Variants in ACER3 observed in about 807,000 individuals in gnomAD.
ACER3 encodes alkaline ceramidase 3, also known as alkCDase 3.
In ACER3, 16 loss-of-function variants were observed where a neutral mutation model predicts 48.9. The observed-to-expected ratio is 0.33, with a 90% CI of 0.22 to 0.50. ACER3 has a LOEUF of 0.50. ACER3 is among the 20% of genes least tolerant of loss of function. The probability of loss-of-function intolerance (pLI) is 0.98; values close to 1 mark genes in which losing one functional copy is unlikely to be tolerated. For missense variants in ACER3, 227 were observed against 326.0 expected (o/e 0.70, Z 2.34); for synonymous variants, 109 against 107.8 (o/e 1.01, Z -0.07).
At chr11:76,897,215 C>G (rs1261920253) in intron 1 of ACER3, among the ~76,000 whole-genome samples, 1 of 152,138 alleles carries the variant, frequency 6.6e-6, no homozygotes, top group Admixed American at 6.5e-5. Flanking sequence ...TTTCAGCCAC[C>G]CAAAGTGCTG....
intron 2 of ACER3, among the ~76,000 whole-genome samples, chr11:76,928,689 T>C (rs1293911199): frequency 6.6e-6 from 1 of 152,208 alleles, no homozygotes; most frequent in Non-Finnish European, 1.5e-5. Flanking sequence ...GGCTAGCCAG[T>C]TTCCCCAGCA....
intron 5 of ACER3, 87 bp from the exon 6 acceptor site, chr11:76,990,452 G>C (rs1948775637): frequency 1.0e-6 from 1 of 960,272 alleles, no homozygotes; most frequent in South Asian, 1.3e-5. Context: ...AGCAGGAGAG[G>C]TTTGGGATTT....
At chr11:76,902,379 G>A (rs1177198100) in intron 1 of ACER3, among the ~76,000 whole-genome samples, 2 of 152,154 alleles carry the variant, frequency 1.3e-5, no homozygotes, top group Non-Finnish European at 2.9e-5. Context: ...CATAAAAGCT[G>A]CATTTCAATA....
chr11:76,984,182 G>T (rs191733369), intron 4 of ACER3, among the ~76,000 whole-genome samples: 2 of 152,228 alleles, frequency 1.3e-5, no homozygotes, highest in Non-Finnish European at 1.5e-5. Flanking sequence ...ATGATCCTAG[G>T]CTCTGTAGAT....
Position 77,025,145 on chromosome 11 carries a change from G to A in ACER3, c.*4818G>A, listed in dbSNP as rs1381428715. ...GATCTGTAATCATCACTTTTAAATT[G>A]AATTTGCAGAATTAACTCTAAAGTT... is the stretch of plus-strand genomic sequence containing the variant. On this transcript the variant is annotated 3_prime_UTR_variant, in exon 11 of 11. Coordinates refer to ENST00000532485, the MANE Select transcript of ACER3 (RefSeq NM_018367.7). The A allele has an allele frequency of 6.6e-6, 1 of 152,042 alleles. No individual in the cohort carries two copies. Among genetic ancestry groups the A allele is most frequent in the Non-Finnish European group, 1.5e-5 (1 of 68,004 alleles). The allele number at this position is 152,042 out of a possible 1,614,324, so 9.4% of individuals were successfully genotyped here. A position where few individuals can be genotyped will look rare whatever the true frequency, so the allele number is the denominator to read the frequency against.
intron 6 of ACER3, among the ~76,000 whole-genome samples, chr11:76,993,371 T>C (rs1948842075): frequency 2.0e-5 from 3 of 152,198 alleles, no homozygotes; most frequent in African/African-American, 4.8e-5. Flanking sequence ...ACTCAATAAA[T>C]GTTAACTAAC....
intron 1 of ACER3, among the ~76,000 whole-genome samples, chr11:76,909,306 A>C (rs1946310434): frequency 6.6e-6 from 1 of 152,212 alleles, no homozygotes; most frequent in Non-Finnish European, 1.5e-5. Flanking sequence ...TCTGCACAGC[A>C]AAAGAAACTA....
intron 2 of ACER3, among the ~76,000 whole-genome samples, chr11:76,928,771 A>T (rs968035141): frequency 6.6e-6 from 1 of 152,146 alleles, no homozygotes; most frequent in Non-Finnish European, 1.5e-5. Context: ...AGATGGTTGT[A>T]GATGTGTGGT....
At chr11:76,989,812 T>C (rs1490500992) in intron 5 of ACER3, among the ~76,000 whole-genome samples, 1 of 152,196 alleles carries the variant, frequency 6.6e-6, no homozygotes, top group East Asian at 1.9e-4. Context: ...CCCTGTACCA[T>C]GTCATTTAAA....
chr11:76,999,362 G>A lies in ACER3; in HGVS notation c.497+541G>A, dbSNP rs539672079. On this transcript the variant is annotated intron_variant, in intron 7 of 10. Coordinates refer to ENST00000532485, the MANE Select transcript of ACER3 (RefSeq NM_018367.7). ...ACAACAGGTGTTCAATAAATAAGTA[G>A]TATGATTTGTGGGTTTGTTTTTTTT... is the stretch of plus-strand genomic sequence containing the variant. 1.0e-4 allele frequency among the ~76,000 whole-genome samples: 15 copies of A among 143,954 alleles called. No individual in the cohort carries two copies. In the South Asian group the frequency reaches 3.4e-3, roughly 33 times the overall value. The allele number at this position is 143,954 out of a possible 152,430, so 94.4% of individuals were successfully genotyped here. A position where few individuals can be genotyped will look rare whatever the true frequency, so the allele number is the denominator to read the frequency against.
At chr11:76,882,161 C>T (rs1302287537) in intron 1 of ACER3, among the ~76,000 whole-genome samples, 5 of 151,900 alleles carry the variant, frequency 3.3e-5, no homozygotes, top group South Asian at 2.1e-4. Context: ...CCCGCCACCA[C>T]GCCCGGCTAA....
intron 1 of ACER3, among the ~76,000 whole-genome samples, chr11:76,875,343 A>G (rs993792515): frequency 4.6e-5 from 7 of 151,542 alleles, no homozygotes; most frequent in African/African-American, 1.7e-4. Flanking sequence ...CGATCTCCTT[A>G]CCTCGTGATC....
chr11:76,991,742 C>T (rs1264109983), intron 6 of ACER3, among the ~76,000 whole-genome samples: 6 of 143,550 alleles, frequency 4.2e-5, no homozygotes, highest in Admixed American at 2.2e-4. Flanking sequence ...CTTGAACCCA[C>T]GAGGCAGAGG....
chr11:77,015,976 G>C (rs911501931), intron 8 of ACER3, among the ~76,000 whole-genome samples: 1 of 151,984 alleles, frequency 6.6e-6, no homozygotes, highest in Admixed American at 6.6e-5. Flanking sequence ...GCCTGGTGAC[G>C]TGTGCCTGTA....
chr11:76,952,770 A>G (rs1947719685), intron 2 of ACER3, among the ~76,000 whole-genome samples: 1 of 150,462 alleles, frequency 6.6e-6, no homozygotes, highest in African/African-American at 2.4e-5. Flanking sequence ...AGGTTAAGCA[A>G]TTCTCCTGCC....
At chr11:76,924,690 A>G (rs1946771884) in intron 1 of ACER3, among the ~76,000 whole-genome samples, 1 of 152,124 alleles carries the variant, frequency 6.6e-6, no homozygotes, top group Non-Finnish European at 1.5e-5. Flanking sequence ...GTCAGAGCAT[A>G]ATTTTTTACT....
At position 76,898,903 on chromosome 11, in the gene ACER3, C is replaced by CAAAAAAAAAA. The variant is rs59278347; in HGVS notation, c.104-27634_104-27625dup. ...TGGGCGACAGAGCGAGACTCCGTCT[C>CAAAAAAAAAA]AAAAAAAAAAAAAAAAAAAAAAAAA... is the stretch of plus-strand genomic sequence containing the variant. On this transcript the variant is annotated intron_variant, in intron 1 of 10. Coordinates refer to ENST00000532485, the MANE Select transcript of ACER3 (RefSeq NM_018367.7). 8.4e-4 allele frequency among the ~76,000 whole-genome samples: 47 copies of CAAAAAAAAAA among 55,834 alleles called. 5 individuals are homozygous for CAAAAAAAAAA. Among genetic ancestry groups the CAAAAAAAAAA allele is most frequent in the African/African-American group, 3.8e-3 (45 of 11,740 alleles). 36.6% of individuals were successfully genotyped at this position (55,834 alleles called of 152,430 possible).
At chr11:76,881,069 A>G (rs1054193390) in intron 1 of ACER3, among the ~76,000 whole-genome samples, 7 of 152,008 alleles carry the variant, frequency 4.6e-5, no homozygotes, top group African/African-American at 1.7e-4. Flanking sequence ...CAGCCTGGGC[A>G]ATATGGTGAA....
chr11:76,962,289 G>A (rs191610366), intron 3 of ACER3, among the ~76,000 whole-genome samples: 5 of 137,532 alleles, frequency 3.6e-5, no homozygotes, highest in African/African-American at 1.2e-4. Context: ...GTGTGATCTC[G>A]GCTCACTGCA....
Sources: allele counts gnomAD v4.1 joint callset (sites outside exome capture counted in the v4.1 genomes callset), GRCh38; gene constraint gnomAD v4.1.1; transcripts MANE v1.5; gene names NCBI Gene and HGNC (gene_info 2026-07-23, HGNC 2026-07-21).